TEX11: variants seen among roughly 807,000 people sequenced by gnomAD.
TEX11 encodes the protein testis expressed 11.
In TEX11, 7 loss-of-function variants were observed where a neutral mutation model predicts 84.4. The observed-to-expected ratio is 0.08, with a 90% CI of 0.05 to 0.16. TEX11 has a LOEUF of 0.16. Among genes scored for constraint, TEX11 ranks in the 10% least tolerant of loss-of-function variants. The probability of loss-of-function intolerance (pLI) is 1.00; values close to 1 mark genes in which losing one functional copy is unlikely to be tolerated. For synonymous variants in TEX11, 264 were observed against 222.8 expected (o/e 1.18, Z -1.64); for missense variants, 551 against 660.5 (o/e 0.83, Z 1.82).
At chrX:70,853,199 A>G in intron 6 of TEX11, 46 bp from the exon 7 acceptor site, 1 of 1,207,244 alleles carries the variant, frequency 8.3e-7, no homozygotes, top group Non-Finnish European at 1.1e-6. Context: ...GAATAACCAC[A>G]GATGTTACTA....
chrX:70,691,498 C>T (rs1307784430), intron 13 of TEX11, among the ~76,000 whole-genome samples: 1 of 111,311 alleles, frequency 9.0e-6, no homozygotes, highest in Non-Finnish European at 1.9e-5. Flanking sequence ...ATGAAAGAAG[C>T]CTGTGATGTG....
At chrX:70,532,551 C>A (rs1487188331) in intron 28 of TEX11, among the ~76,000 whole-genome samples, 1 of 110,331 alleles carries the variant, frequency 9.1e-6, no homozygotes, top group Non-Finnish European at 1.9e-5. Flanking sequence ...GCCTGACCAA[C>A]ATGGAGAAAC....
chrX:70,717,187 A>G (rs182219937), intron 13 of TEX11, among the ~76,000 whole-genome samples: 1 of 107,648 alleles, frequency 9.3e-6, no homozygotes, highest in Non-Finnish European at 1.9e-5. Flanking sequence ...AAAAAAAAAG[A>G]TCGCTTAAGA....
At chrX:70,862,997 C>T (rs953492219) in intron 4 of TEX11, among the ~76,000 whole-genome samples, 4 of 110,637 alleles carry the variant, frequency 3.6e-5, no homozygotes, top group African/African-American at 1.3e-4. Context: ...GCCAGACTGC[C>T]TCTCTAGATT....
intron 25 of TEX11, among the ~76,000 whole-genome samples, chrX:70,579,292 T>A (rs1404688131): frequency 9.7e-6 from 1 of 102,835 alleles, no homozygotes; most frequent in Admixed American, 1.1e-4. Context: ...ATCGAGACCA[T>A]CCTGGCTAAC....
chrX:70,515,726 C>G, the TEX11 span, among the ~76,000 whole-genome samples: 1 of 112,532 alleles, frequency 8.9e-6, no homozygotes, highest in Non-Finnish European at 1.9e-5. Flanking sequence ...AACTAGTTTA[C>G]AGTCCCACCA....
chrX:70,732,258 C>G (rs2090658754), intron 11 of TEX11, among the ~76,000 whole-genome samples: 1 of 111,646 alleles, frequency 9.0e-6, no homozygotes, highest in Non-Finnish European at 1.9e-5. Context: ...CAGGGATGCC[C>G]TCTCTCACCA....
At chrX:70,647,089 G>T (rs1028827963) in intron 17 of TEX11, among the ~76,000 whole-genome samples, 1 of 111,382 alleles carries the variant, frequency 9.0e-6, no homozygotes, top group East Asian at 2.8e-4. Flanking sequence ...ATGAAAAAAA[G>T]GTATGAACCT....
At chrX:70,778,644 T>G (rs981701369) in intron 9 of TEX11, among the ~76,000 whole-genome samples, 1 of 103,847 alleles carries the variant, frequency 9.6e-6, no homozygotes, top group East Asian at 3.1e-4. Flanking sequence ...TGTTTGTTTG[T>G]TTTTGTTTTT....
chrX:70,636,859 G>C (rs2089581534), intron 17 of TEX11, among the ~76,000 whole-genome samples: 1 of 112,051 alleles, frequency 8.9e-6, no homozygotes, highest in Non-Finnish European at 1.9e-5. Context: ...GCACACATGT[G>C]AACCATGCAA....
chrX:70,870,910 AT>A (rs2091626312), intron 4 of TEX11, among the ~76,000 whole-genome samples: 1 of 110,223 alleles, frequency 9.1e-6, no homozygotes, highest in South Asian at 3.9e-4. Flanking sequence ...GGTGATTCTG[AT>A]TTTTTGGGGG....
chrX:70,839,759 G>A (rs138887972), intron 7 of TEX11, among the ~76,000 whole-genome samples: 2,433 of 111,003 alleles, frequency 0.022, 75 homozygotes, highest in South Asian at 0.17. Context: ...TTAGGCGAAC[G>A]GATACTAGAA....
intron 4 of TEX11, among the ~76,000 whole-genome samples, chrX:70,867,389 G>GA (rs1047661707): frequency 2.7e-5 from 3 of 111,125 alleles, no homozygotes; most frequent in Non-Finnish European, 5.7e-5. Flanking sequence ...CAAACAAATG[G>GA]AAAAAAATTC....
Position 70,666,039 on chromosome X carries a change from C to T in TEX11, c.1380+4338G>A, listed in dbSNP as rs563620113. Among the ~76,000 whole-genome samples, 22 of 111,647 alleles carry T rather than the reference C, an allele frequency of 2.0e-4. No individual in the cohort carries two copies. The South Asian group carries it at 7.9e-3, about 40-fold the overall frequency. ...CTATTTTTAATGTAATGAGCATCTA[C>T]TATGCATTAGGCACTATGCTGGGTA... On this transcript the variant is annotated intron_variant, in intron 16 of 29. Transcript: ENST00000374333.
At chrX:70,722,541 C>A in intron 13 of TEX11, 77 bp downstream of exon 13, 3 of 828,572 alleles carry the variant, frequency 3.6e-6, no homozygotes, top group Non-Finnish European at 5.3e-6. Context: ...TCTCCAAGTG[C>A]TGGGATTCTA....
intron 8 of TEX11, among the ~76,000 whole-genome samples, chrX:70,823,904 C>T (rs1393583249): frequency 1.8e-5 from 2 of 110,932 alleles, no homozygotes; most frequent in African/African-American, 3.3e-5. Flanking sequence ...CCTGTAGTCC[C>T]GGCTACTTGG....
chrX:70,740,974 A>C (rs2090729783), intron 10 of TEX11, among the ~76,000 whole-genome samples, 178 bp from the exon 11 acceptor site: 1 of 111,591 alleles, frequency 9.0e-6, no homozygotes, highest in Non-Finnish European at 1.9e-5. Context: ...CTACCCATAT[A>C]AAATATTGTC....
intron 28 of TEX11, among the ~76,000 whole-genome samples, chrX:70,539,038 A>ATATATATATATATATTTTTTT: frequency 2.4e-5 from 1 of 41,255 alleles, no homozygotes. Flanking sequence ...ATATATATAT[A>ATATATATATATATATTTTTTT]TTTTTTTTTT....
intron 13 of TEX11, among the ~76,000 whole-genome samples, chrX:70,687,877 AAAAG>A (rs2090202037): frequency 9.5e-6 from 1 of 104,884 alleles, no homozygotes; most frequent in Admixed American, 1.2e-4. Flanking sequence ...GAAAGGAAGA[AAAAG>A]AAAGAAAAGG....
Sources: gnomAD v4.1 joint callset for allele counts (sites outside exome capture counted in the v4.1 genomes callset) on GRCh38, gnomAD v4.1.1 for gene constraint, MANE v1.5 for transcripts, NCBI Gene and HGNC (gene_info 2026-07-23, HGNC 2026-07-21) for gene names.